The following SEMA3A variants were observed in gnomAD, a reference collection of about 807,000 sequenced individuals.
The protein encoded by SEMA3A is semaphorin-3A.
A neutral mutation model predicts 97.9 loss-of-function variants in SEMA3A; 29 were observed. That is an observed-to-expected ratio of 0.30 (90% CI 0.22 to 0.40). SEMA3A has a LOEUF of 0.40. Among genes scored for constraint, SEMA3A ranks in the 10% least tolerant of loss-of-function variants. SEMA3A has a pLI of 1.00. For missense variants in SEMA3A, 763 were observed against 951.3 expected, an observed-to-expected ratio of 0.80 and a Z score of 2.60; for synonymous variants, 321 against 323.7, an observed-to-expected ratio of 0.99 and a Z score of 0.09.
At chr7:84,136,743 T>G (rs1796135936) in intron 1 of SEMA3A, among the ~76,000 whole-genome samples, 2 of 152,144 alleles carry the variant, frequency 1.3e-5, no homozygotes, top group South Asian at 4.1e-4. Flanking sequence ...TCATATTACC[T>G]GGTCAACAAT....
intron 1 of SEMA3A, among the ~76,000 whole-genome samples, chr7:84,180,856 C>A (rs1337384844): frequency 6.6e-6 from 1 of 152,216 alleles, no homozygotes. Flanking sequence ...ATGAAGGATG[C>A]ATGTTGACTC....
chr7:84,490,930 T>C (rs186082702), intron 1 of SEMA3A, among the ~76,000 whole-genome samples: 22 of 152,290 alleles, frequency 1.4e-4, no homozygotes, highest in Admixed American at 1.4e-3. Flanking sequence ...GGGGTAGACA[T>C]TGACCGCTAT....
intron 3 of SEMA3A, among the ~76,000 whole-genome samples, chr7:84,202,477 A>G (rs1798380223): frequency 6.6e-6 from 1 of 152,168 alleles, no homozygotes; most frequent in Admixed American, 6.5e-5. Flanking sequence ...CAAAATTGCA[A>G]TCACTTATGG....
chr7:84,071,494 A>G (rs1793738269), intron 4 of SEMA3A, among the ~76,000 whole-genome samples: 1 of 152,110 alleles, frequency 6.6e-6, no homozygotes. Flanking sequence ...GGACAGATGA[A>G]AAAATACTCA....
At chr7:84,414,529 T>C (rs966606722) in intron 1 of SEMA3A, among the ~76,000 whole-genome samples, 1 of 152,130 alleles carries the variant, frequency 6.6e-6, no homozygotes, top group African/African-American at 2.4e-5. Flanking sequence ...CAGGCTGAAT[T>C]TGGCATCTTC....
At chr7:83,980,604 A>AAAAAAAAAAAAAAACAAAAC (rs1491210034) in intron 14 of SEMA3A, among the ~76,000 whole-genome samples, 2 of 35,876 alleles carry the variant, frequency 5.6e-5, no homozygotes, top group African/African-American at 1.8e-4. Context: ...ACTCCATCTC[A>AAAAAAAAAAAAAAACAAAAC]AAAAAAAAAA....
At chr7:84,231,508 C>T (rs17158747) in intron 3 of SEMA3A, among the ~76,000 whole-genome samples, 9,664 of 151,972 alleles carry the variant, frequency 0.064, 387 homozygotes, top group African/African-American at 0.12. Context: ...AAGGTGGTAA[C>T]AGCATTCTAC....
intron 3 of SEMA3A, among the ~76,000 whole-genome samples, chr7:84,200,268 G>T (rs1050920299): frequency 2.6e-5 from 4 of 152,052 alleles, no homozygotes; most frequent in African/African-American, 9.7e-5. Flanking sequence ...TTTTTCAAAT[G>T]AATTGATGTG....
At chr7:84,133,274 T>TAA (rs1796020179) in intron 2 of SEMA3A, among the ~76,000 whole-genome samples, 1 of 152,180 alleles carries the variant, frequency 6.6e-6, no homozygotes, top group Non-Finnish European at 1.5e-5. Context: ...ACTCTATATA[T>TAA]AATGAATCAA....
chr7:83,980,623 A>AAAAAAAAAAATAT (rs1310318006), intron 14 of SEMA3A, among the ~76,000 whole-genome samples: 158 of 71,704 alleles, frequency 2.2e-3, no homozygotes, highest in Non-Finnish European at 3.3e-3. Context: ...AAAAAAAAAA[A>AAAAAAAAAAATAT]ATATATATAT....
chr7:84,451,934 T>C (rs1185784286), intron 1 of SEMA3A, among the ~76,000 whole-genome samples: 2 of 152,196 alleles, frequency 1.3e-5, no homozygotes, highest in Admixed American at 1.3e-4. Flanking sequence ...TTTCCACAAA[T>C]AAAGGAACAA....
intron 1 of SEMA3A, among the ~76,000 whole-genome samples, chr7:84,373,102 C>T (rs1470586831): frequency 6.6e-6 from 1 of 152,138 alleles, no homozygotes; most frequent in Non-Finnish European, 1.5e-5. Flanking sequence ...ATGAAAAATA[C>T]ATGGAATGGA....
intron 2 of SEMA3A, among the ~76,000 whole-genome samples, chr7:84,357,219 T>G (rs1185124339): frequency 6.6e-6 from 1 of 151,934 alleles, no homozygotes; most frequent in Non-Finnish European, 1.5e-5. Context: ...CATGTTGGTG[T>G]GCTGCACCCA....
At chr7:84,031,627 A>T (rs937619146) in intron 6 of SEMA3A, among the ~76,000 whole-genome samples, 47 of 151,996 alleles carry the variant, frequency 3.1e-4, no homozygotes, top group Non-Finnish European at 1.3e-4. Flanking sequence ...TGAGGTTGGG[A>T]GTTCGAGACT....
At chr7:84,199,304 C>T (rs1798302369), upstream of SEMA3A, among the ~76,000 whole-genome samples, 1 of 152,160 alleles carries the variant, frequency 6.6e-6, no homozygotes. Context: ...CCTCTTTCTG[C>T]AAATCACCTT....
At chr7:84,397,758 G>C (rs1803776730) in intron 1 of SEMA3A, among the ~76,000 whole-genome samples, 1 of 151,968 alleles carries the variant, frequency 6.6e-6, no homozygotes, top group Non-Finnish European at 1.5e-5. Context: ...ACCATGAAGA[G>C]GAGTCAGACA....
intron 4 of SEMA3A, among the ~76,000 whole-genome samples, chr7:84,088,445 C>T: frequency 6.6e-6 from 1 of 151,130 alleles, no homozygotes; most frequent in Admixed American, 6.6e-5. Flanking sequence ...CACAGGGAGA[C>T]TCCGTTTCCA....
At chr7:84,340,649 A>G (rs1802141203) in intron 2 of SEMA3A, among the ~76,000 whole-genome samples, 1 of 151,634 alleles carries the variant, frequency 6.6e-6, no homozygotes, top group Admixed American at 6.6e-5. Context: ...GGGTGGTGGT[A>G]TACGCCTGTA....
At chr7:83,993,263 C>T (rs1427859018) in intron 12 of SEMA3A, among the ~76,000 whole-genome samples, 8 of 100,842 alleles carry the variant, frequency 7.9e-5, no homozygotes, top group Non-Finnish European at 1.2e-4. Context: ...GCTCTTGACT[C>T]TATCCAATTT....
Sources: gnomAD v4.1 joint callset for allele counts (sites outside exome capture counted in the v4.1 genomes callset) on GRCh38, gnomAD v4.1.1 for gene constraint, MANE v1.5 for transcripts, NCBI Gene and HGNC (gene_info 2026-07-23, HGNC 2026-07-21) for gene names.